The following SYT3 variants were observed in gnomAD, a reference collection of about 807,000 sequenced individuals.
SYT3 encodes the protein synaptotagmin-3.
SYT3 carries 25 observed loss-of-function variants against 50.6 expected under a neutral mutation model. The ratio of observed to expected loss-of-function variants is 0.49; its 90% CI spans 0.36 to 0.69. The LOEUF is 0.69. Ranked by LOEUF, SYT3 falls within the 30% of genes least tolerant of loss-of-function variation. The probability of loss-of-function intolerance (pLI) is 0.00; values close to 1 mark genes in which losing one functional copy is unlikely to be tolerated. For missense variants in SYT3, 589 were observed against 793.6 expected (o/e 0.74, Z 3.10); for synonymous variants, 323 against 353.9 (o/e 0.91, Z 0.98).
chr19:50,656,290 C>G, the SYT3 span: 2 of 1,536,188 alleles, frequency 1.3e-6, no homozygotes, highest in South Asian at 2.4e-5. Flanking sequence ...CCCGTGCATC[C>G]GGAAGTTCCC....
the SYT3 span, among the ~76,000 whole-genome samples, chr19:50,651,347 T>C: frequency 3.9e-5 from 6 of 152,188 alleles, no homozygotes; most frequent in East Asian, 1.9e-4. Flanking sequence ...CTTTATTTGG[T>C]AAATACCTTC....
chr19:50,646,263 G>A, the SYT3 span, among the ~76,000 whole-genome samples: 1 of 152,174 alleles, frequency 6.6e-6, no homozygotes. Flanking sequence ...GGAAGACGAG[G>A]CTCAGAGAGG....
chr19:50,653,466 C>A, the SYT3 span, among the ~76,000 whole-genome samples: 1 of 151,898 alleles, frequency 6.6e-6, no homozygotes, highest in East Asian at 1.9e-4. Flanking sequence ...GCCGGTATGA[C>A]TGGAAGAAAA....
the SYT3 span, chr19:50,656,052 G>T: frequency 2.6e-6 from 4 of 1,536,110 alleles, no homozygotes; most frequent in Non-Finnish European, 3.5e-6. Context: ...GTCCTCAGGA[G>T]CCCTCCTTAT....
At chr19:50,630,717 C>A (rs1489966208) in intron 4 of SYT3, among the ~76,000 whole-genome samples, 2 of 152,102 alleles carry the variant, frequency 1.3e-5, no homozygotes, top group African/African-American at 4.8e-5. Flanking sequence ...GCCACCACAC[C>A]CAGCCTCATT....
rs193068522 is a variant in SYT3 at position 50,625,442 on chromosome 19, C to A, written c.1525G>T (p.Glu509Ter). Residue 509 changes from glutamate (E) to a stop codon, truncating the protein, a stop_gained, in exon 8 of 11, where the codon GAG (glutamate) becomes TAG (stop). Transcript: ENST00000600079. LOFTEE classifies it high-confidence loss of function. The surrounding 1 kb of genome is among the most constrained non-coding windows in gnomAD (Gnocchi z 7.5). ...NEALVFDVAPESVENVGLSIA... is the reference protein window; with the variant it reads ...NEALVFDVAP ...CTGAGCCCCACGTTCTCCACGCTCT[C>A]GGGGGCCACGTCGAACACCAGCGCC... 6.3e-7 allele frequency: 1 copy of A among 1,577,288 alleles called. No individual in the cohort carries two copies. Among genetic ancestry groups the A allele is most frequent in the Non-Finnish European group, 8.6e-7 (1 of 1,161,204 alleles).
At chr19:50,657,899 G>A in the SYT3 span, 3 of 1,423,000 alleles carry the variant, frequency 2.1e-6, no homozygotes, top group Non-Finnish European at 1.8e-6. Context: ...CTCTGTGGCA[G>A]GTTCTGCAGG....
chr19:50,623,182 C>T lies in SYT3; in HGVS notation c.1708-427G>A, dbSNP rs368138664. On this transcript the variant is annotated intron_variant, in intron 9 of 10. Transcript: ENST00000600079. ...CTCGGCCTAGACTCTGTGCCACCAGCGTTGCCCAACATGGGCAGTGGCTCA... is the reference window on the plus strand; with the variant it reads ...CTCGGCCTAGACTCTGTGCCACCAGTGTTGCCCAACATGGGCAGTGGCTCA... Among the ~76,000 whole-genome samples, 11 of 152,070 alleles carry T rather than the reference C, an allele frequency of 7.2e-5. No individual in the cohort carries two copies. The East Asian group carries it at 1.5e-3, about 21-fold the overall frequency.
the SYT3 span, among the ~76,000 whole-genome samples, chr19:50,653,776 T>C: frequency 3.7e-3 from 547 of 149,504 alleles, 9 homozygotes; most frequent in African/African-American, 0.013. Flanking sequence ...CAAGGACTTA[T>C]TGTTAGAGCC....
At chr19:50,653,969 G>C in the SYT3 span, among the ~76,000 whole-genome samples, 2 of 151,970 alleles carry the variant, frequency 1.3e-5, no homozygotes, top group East Asian at 1.9e-4. Flanking sequence ...GAGCTGGGAG[G>C]GGGGGATTTT....
chr19:50,624,165 A>G (rs1983958677), intron 9 of SYT3, among the ~76,000 whole-genome samples: 1 of 152,050 alleles, frequency 6.6e-6, no homozygotes, highest in Non-Finnish European at 1.5e-5. Flanking sequence ...GGCTCTCCCC[A>G]TGTTGCTCAG....
Position 50,632,742 on chromosome 19 carries a change from AAGAG to A in SYT3, c.214_217del (p.Leu72SerfsTer28). ...CACCCAGCACAACTTCCAGGACACGAAGAGAGAGACACCCAGAAGGACAATGCCA... is the reference window on the plus strand; with the variant it reads ...CACCCAGCACAACTTCCAGGACACGAAGAGACACCCAGAAGGACAATGCCA... On this transcript the variant is annotated frameshift_variant, in exon 4 of 11. Coordinates refer to ENST00000600079, the MANE Select transcript of SYT3 (RefSeq NM_001160329.2). LOFTEE classifies it high-confidence loss of function. This position sits in a 1 kb window ranked among gnomAD's most constrained non-coding sequence, Gnocchi z 4.7. The A allele has an allele frequency of 6.4e-7, 1 of 1,563,652 alleles. No individual in the cohort carries two copies. The highest frequency in any genetic ancestry group is 1.4e-5 in the African/African-American group (1 of 73,648).
In SYT3 at chr19:50,637,533, G is replaced by T; in HGVS notation, c.-15-107C>A. The T allele has an allele frequency of 2.1e-6, 2 of 973,792 alleles. No homozygotes were observed. Among genetic ancestry groups the T allele is most frequent in the Non-Finnish European group, 3.0e-6 (2 of 670,252 alleles). The allele number at this position is 973,792 out of a possible 1,614,324, so 60.3% of individuals were successfully genotyped here. On this transcript the variant is annotated intron_variant, in intron 2 of 10. Coordinates refer to ENST00000600079, the MANE Select transcript of SYT3 (RefSeq NM_001160329.2). This position sits in a 1 kb window ranked among gnomAD's most constrained non-coding sequence, Gnocchi z 4.9. ...GGAAAGAGACACCGAGAAAAGGAAG[G>T]ATGGGCAAAGGGGACAGAGATTAGG...
In SYT3 at chr19:50,639,483, G is replaced by C. The variant is rs1984604560; in HGVS notation, c.-154+307C>G. ...GGGTCCCAAGACGCTTCAGGGGAGG[G>C]GAACGATGTCCGGGACTTCGAAAAG... On this transcript the variant is annotated intron_variant, in intron 1 of 10. Transcript: ENST00000600079. The surrounding 1 kb of genome is among the most constrained non-coding windows in gnomAD (Gnocchi z 4.6). Among the ~76,000 whole-genome samples the C allele has an allele frequency of 6.6e-6, 1 of 151,812 alleles. No homozygotes were observed. Among genetic ancestry groups the C allele is most frequent in the African/African-American group, 2.4e-5 (1 of 41,342 alleles).
the SYT3 span, chr19:50,657,852 TTA>T: frequency 8.6e-7 from 1 of 1,159,412 alleles, no homozygotes; most frequent in Non-Finnish European, 1.2e-6. Flanking sequence ...TACCCTGGGA[TTA>T]AGAGCGATCC....
At chr19:50,649,307 A>AGTTC in the SYT3 span, 2 of 808,566 alleles carry the variant, frequency 2.5e-6, no homozygotes, top group Admixed American at 2.1e-5. Flanking sequence ...TCAGCCTTCC[A>AGTTC]GTTCCTCTGT....
At chr19:50,656,787 AT>A in the SYT3 span, among the ~76,000 whole-genome samples, 14 of 152,102 alleles carry the variant, frequency 9.2e-5, no homozygotes, top group Admixed American at 2.6e-4. Flanking sequence ...CCCCGTCTCT[AT>A]TAAAAATACA....
chr19:50,625,402 T>TCCA lies in SYT3; in HGVS notation c.1564_1565insTGG (p.Val521dup). 1 of 1,549,566 alleles carries TCCA rather than the reference T, an allele frequency of 6.5e-7. No individual in the cohort carries two copies. The highest frequency in any genetic ancestry group is 8.7e-7 in the Non-Finnish European group (1 of 1,147,428). On this transcript the variant is annotated inframe_insertion, in exon 8 of 11. Coordinates refer to ENST00000600079, the MANE Select transcript of SYT3 (RefSeq NM_001160329.2). The surrounding 1 kb of genome is among the most constrained non-coding windows in gnomAD (Gnocchi z 7.5). ...GGGCCGCGCCCCTCACCAGTCGTAG[T>TCCA]CTACCACGGCGATGCTGAGCCCCAC...
upstream of SYT3, among the ~76,000 whole-genome samples, chr19:50,644,505 ATGT>A (rs1984731264): frequency 6.6e-6 from 1 of 152,038 alleles, no homozygotes; most frequent in Non-Finnish European, 1.5e-5. Context: ...AGATGGATGG[ATGT>A]TGGAGGAATA....
Sources: allele counts gnomAD v4.1 joint callset (sites outside exome capture counted in the v4.1 genomes callset), GRCh38; gene constraint gnomAD v4.1.1; non-coding constraint Gnocchi (gnomAD v3.1); transcripts MANE v1.5; gene names NCBI Gene and HGNC (gene_info 2026-07-23, HGNC 2026-07-21).